The following UBE2E2 variants were observed in gnomAD, a reference collection of about 807,000 sequenced individuals.
UBE2E2 encodes the protein ubiquitin-conjugating enzyme E2 E2.
A neutral mutation model predicts 24.7 loss-of-function variants in UBE2E2; 6 were observed. That is an observed-to-expected ratio of 0.24 (90% CI 0.13 to 0.48). The LOEUF is 0.48. Among genes scored for constraint, UBE2E2 ranks in the 20% least tolerant of loss-of-function variants. UBE2E2 has a pLI of 0.99. For synonymous variants in UBE2E2, 104 were observed against 83.6 expected, an observed-to-expected ratio of 1.24 and a Z score of -1.33; for missense variants, 169 against 245.0, an observed-to-expected ratio of 0.69 and a Z score of 2.07.
chr3:23,587,977 A>T (rs1002876674), intron 5 of UBE2E2, among the ~76,000 whole-genome samples: 1 of 152,362 alleles, frequency 6.6e-6, no homozygotes, highest in Middle Eastern at 3.4e-3. Flanking sequence ...CAATTCCAGG[A>T]AAACTTAAGC....
intron 3 of UBE2E2, among the ~76,000 whole-genome samples, chr3:23,494,146 A>G (rs562219068): frequency 6.6e-6 from 1 of 152,196 alleles, no homozygotes; most frequent in Admixed American, 6.5e-5. Context: ...TCTGGCACCA[A>G]ATTTTATTTG....
At chr3:23,572,426 A>G (rs1200539908) in intron 5 of UBE2E2, among the ~76,000 whole-genome samples, 1 of 152,174 alleles carries the variant, frequency 6.6e-6, no homozygotes, top group Admixed American at 6.5e-5. Context: ...TATGCAGGTT[A>G]CAAAGGTATA....
At chr3:23,555,699 A>G (rs1368351130) in intron 5 of UBE2E2, among the ~76,000 whole-genome samples, 4 of 152,214 alleles carry the variant, frequency 2.6e-5, no homozygotes. Context: ...GCAGAATATT[A>G]TTCAGCCTTT....
chr3:23,575,237 A>T, intron 5 of UBE2E2, among the ~76,000 whole-genome samples: 1 of 152,140 alleles, frequency 6.6e-6, no homozygotes, highest in East Asian at 1.9e-4. Context: ...GCTTACCAAT[A>T]TTTAAAAATC....
intron 3 of UBE2E2, among the ~76,000 whole-genome samples, chr3:23,464,221 G>T (rs1163575993): frequency 1.3e-5 from 2 of 152,044 alleles, no homozygotes; most frequent in Non-Finnish European, 2.9e-5. Flanking sequence ...CGGTAGATTG[G>T]CTGTTTAATC....
chr3:23,233,928 T>TA (rs1188656803), intron 3 of UBE2E2, among the ~76,000 whole-genome samples: 10 of 152,172 alleles, frequency 6.6e-5, no homozygotes, highest in Non-Finnish European at 1.3e-4. Flanking sequence ...TTAAATAGCT[T>TA]CTATCAAATG....
intron 3 of UBE2E2, among the ~76,000 whole-genome samples, chr3:23,459,428 A>C (rs181434775): frequency 6.6e-6 from 1 of 152,350 alleles, no homozygotes; most frequent in Non-Finnish European, 1.5e-5. Context: ...GTTATTAAAA[A>C]CTGCTTTTTT....
At chr3:23,258,922 AAAG>A (rs1210216275) in intron 3 of UBE2E2, among the ~76,000 whole-genome samples, 2 of 151,040 alleles carry the variant, frequency 1.3e-5, no homozygotes, top group East Asian at 1.9e-4. Context: ...AAAAAAAAAA[AAAG>A]ATTCTAACCC....
chr3:23,322,735 C>T (rs1057411420), intron 3 of UBE2E2, among the ~76,000 whole-genome samples: 1 of 152,052 alleles, frequency 6.6e-6, no homozygotes, highest in African/African-American at 2.4e-5. Flanking sequence ...AGAACAAAAA[C>T]CATAATACTT....
At chr3:23,379,260 A>G (rs9757785) in intron 3 of UBE2E2, among the ~76,000 whole-genome samples, 1 of 132,166 alleles carries the variant, frequency 7.6e-6, no homozygotes, top group East Asian at 1.9e-4. Flanking sequence ...TTTTTTTATT[A>G]TACTTTAAGT....
intron 3 of UBE2E2, among the ~76,000 whole-genome samples, chr3:23,229,406 A>G (rs1430258504): frequency 6.6e-6 from 1 of 152,144 alleles, no homozygotes; most frequent in African/African-American, 2.4e-5. Flanking sequence ...AACAGTATAC[A>G]CTGAACCCAG....
chr3:23,292,289 C>T (rs1024134883), intron 3 of UBE2E2, among the ~76,000 whole-genome samples: 4 of 152,074 alleles, frequency 2.6e-5, no homozygotes, highest in Admixed American at 2.6e-4. Flanking sequence ...AGGGACAACT[C>T]TATATTCATT....
At chr3:23,235,371 T>G (rs1349379576) in intron 3 of UBE2E2, among the ~76,000 whole-genome samples, 1 of 152,138 alleles carries the variant, frequency 6.6e-6, no homozygotes, top group South Asian at 2.1e-4. Context: ...AAACTGCATG[T>G]GCTGAAGCTC....
intron 3 of UBE2E2, among the ~76,000 whole-genome samples, chr3:23,223,961 C>T (rs1003912970): frequency 3.3e-4 from 50 of 152,024 alleles, no homozygotes; most frequent in African/African-American, 1.1e-3. Flanking sequence ...GCTGTAAATG[C>T]GTGGATTTAT....
At chr3:23,581,787 C>G (rs1165978756) in intron 5 of UBE2E2, among the ~76,000 whole-genome samples, 3 of 152,168 alleles carry the variant, frequency 2.0e-5, no homozygotes, top group Non-Finnish European at 4.4e-5. Context: ...ACCTACCAAC[C>G]AAGATAGAAT....
At chr3:23,524,593 C>A (rs1020263888) in intron 4 of UBE2E2, among the ~76,000 whole-genome samples, 11 of 152,202 alleles carry the variant, frequency 7.2e-5, no homozygotes, top group Non-Finnish European at 1.5e-4. Flanking sequence ...CAATACAACT[C>A]ATGGATCATG....
intron 3 of UBE2E2, among the ~76,000 whole-genome samples, chr3:23,420,889 A>G (rs1697780390): frequency 6.6e-6 from 1 of 152,256 alleles, no homozygotes; most frequent in South Asian, 2.1e-4. Context: ...CTATGGGTTA[A>G]GAACAGAGTA....
chr3:23,383,468 T>TC (rs869068302), intron 3 of UBE2E2, among the ~76,000 whole-genome samples: 1 of 124,444 alleles, frequency 8.0e-6, no homozygotes, highest in Middle Eastern at 4.0e-3. Context: ...GAGCATTTTA[T>TC]CCCCCTTTTT....
chr3:23,529,246 G>C, intron 4 of UBE2E2, among the ~76,000 whole-genome samples: 1 of 152,134 alleles, frequency 6.6e-6, no homozygotes, highest in East Asian at 1.9e-4. Flanking sequence ...CTATACATGT[G>C]ATAAAATTAC....
Sources: gnomAD v4.1 joint callset for allele counts (sites outside exome capture counted in the v4.1 genomes callset) on GRCh38, gnomAD v4.1.1 for gene constraint, MANE v1.5 for transcripts, NCBI Gene and HGNC (gene_info 2026-07-23, HGNC 2026-07-21) for gene names.